The following CACUL1 variants were observed in gnomAD, a reference collection of about 807,000 sequenced individuals.
CACUL1 encodes the protein CDK2-associated and cullin domain-containing protein 1.
Under a neutral mutation model 45.2 loss-of-function variants are expected in CACUL1, and 13 were observed. That is an observed-to-expected ratio of 0.29 (90% CI 0.19 to 0.46). CACUL1 has a LOEUF of 0.46. Ranked by LOEUF, CACUL1 falls within the 20% of genes least tolerant of loss-of-function variation. The pLI is 1.00. For missense variants in CACUL1, 421 were observed against 471.4 expected, an observed-to-expected ratio of 0.89 and a Z score of 0.99; for synonymous variants, 197 against 174.2, an observed-to-expected ratio of 1.13 and a Z score of -1.03.
intron 1 of CACUL1, among the ~76,000 whole-genome samples, chr10:118,732,663 C>T (rs1845708246): frequency 6.6e-6 from 1 of 152,124 alleles, no homozygotes; most frequent in African/African-American, 2.4e-5. Flanking sequence ...ACTCCCAGAG[C>T]TCCCCACTGG....
chr10:118,703,636 T>G (rs573839756), intron 4 of CACUL1, among the ~76,000 whole-genome samples: 16 of 152,212 alleles, frequency 1.1e-4, no homozygotes, highest in Non-Finnish European at 2.2e-4. Flanking sequence ...TTAACAATAA[T>G]GCGAAATAGT....
intron 6 of CACUL1, 24 bp from the exon 7 acceptor site, chr10:118,691,427 T>C: frequency 1.0e-5 from 16 of 1,598,812 alleles, no homozygotes; most frequent in Non-Finnish European, 1.2e-5. Flanking sequence ...AAACAATTCA[T>C]TAAGGAAATC....
At chr10:118,744,980 T>C (rs1424987025) in intron 1 of CACUL1, among the ~76,000 whole-genome samples, 1 of 152,078 alleles carries the variant, frequency 6.6e-6, no homozygotes, top group Non-Finnish European at 1.5e-5. Flanking sequence ...AAAAGATACG[T>C]GACAGTTTTG....
intron 1 of CACUL1, among the ~76,000 whole-genome samples, chr10:118,752,635 CA>C (rs934259141): frequency 9.2e-5 from 14 of 152,318 alleles, no homozygotes; most frequent in African/African-American, 3.1e-4. Flanking sequence ...CAAGATTTCA[CA>C]AGCCTCATAA....
intron 2 of CACUL1, among the ~76,000 whole-genome samples, 172 bp downstream of exon 2, chr10:118,730,112 T>C (rs190084146): frequency 3.0e-4 from 46 of 152,252 alleles, no homozygotes; most frequent in African/African-American, 1.1e-3. Context: ...AAAACCACTT[T>C]TGAATCAAAA....
intron 1 of CACUL1, among the ~76,000 whole-genome samples, chr10:118,732,072 T>C (rs1344119938): frequency 6.6e-6 from 1 of 152,178 alleles, no homozygotes; most frequent in East Asian, 1.9e-4. Context: ...ACTTTTACTC[T>C]AAGGTGGAAG....
intron 1 of CACUL1, 121 bp downstream of exon 1, chr10:118,754,275 G>C (rs774965767): frequency 1.3e-5 from 18 of 1,374,494 alleles, no homozygotes; most frequent in Admixed American, 9.5e-5. Context: ...AAGGCGGACG[G>C]GGAGAAGAGG....
chr10:118,694,805 G>A (rs184490212), intron 6 of CACUL1: 27 of 197,078 alleles, frequency 1.4e-4, no homozygotes, highest in South Asian at 1.0e-3. Flanking sequence ...GGTTGTGAAT[G>A]TGGATGTCTG....
intron 1 of CACUL1, among the ~76,000 whole-genome samples, chr10:118,747,292 G>A (rs762112106): frequency 7.2e-5 from 11 of 152,192 alleles, no homozygotes; most frequent in African/African-American, 9.7e-5. Context: ...AGCAACTGGA[G>A]CTGTCATATA....
At position 118,683,750 on chromosome 10, in the gene CACUL1, A is replaced by AAAT. The variant is rs1481194348; in HGVS notation, c.*2375_*2377dup. On this transcript the variant is annotated 3_prime_UTR_variant, in exon 9 of 9. Transcript: ENST00000369151. ...CAGTTTCTGGCAAACAGTCAATATAAAATGAGAGGAAGGAGGAGGAAATCT... is the reference window on the plus strand; with the variant it reads ...CAGTTTCTGGCAAACAGTCAATATAAAATAATGAGAGGAAGGAGGAGGAAATCT... The AAAT allele has an allele frequency of 6.6e-6, 1 of 152,068 alleles. No individual in the cohort carries two copies. The highest frequency in any genetic ancestry group is 6.6e-5 in the Admixed American group (1 of 15,248). The allele number at this position is 152,068 out of a possible 1,614,324, so 9.4% of individuals were successfully genotyped here.
At chr10:118,702,368 C>T (rs1201310451) in intron 4 of CACUL1, among the ~76,000 whole-genome samples, 1 of 152,070 alleles carries the variant, frequency 6.6e-6, no homozygotes, top group Non-Finnish European at 1.5e-5. Flanking sequence ...AGGATAAAAC[C>T]GATGTTACGG....
intron 3 of CACUL1, chr10:118,729,091 C>T (rs975472827): frequency 4.1e-6 from 2 of 484,240 alleles, no homozygotes; most frequent in African/African-American, 2.0e-5. Flanking sequence ...ATATTTAATC[C>T]AAAAATTTCC....
chr10:118,739,929 G>A (rs1845776489), intron 1 of CACUL1, among the ~76,000 whole-genome samples: 1 of 152,222 alleles, frequency 6.6e-6, no homozygotes, highest in Non-Finnish European at 1.5e-5. Flanking sequence ...TGGATCACCT[G>A]AGGTCAGGAG....
intron 5 of CACUL1, 97 bp downstream of exon 5, chr10:118,701,209 A>G (rs1263349661): frequency 5.0e-6 from 3 of 600,578 alleles, no homozygotes; most frequent in Non-Finnish European, 8.5e-6. Context: ...AGATGTTAAC[A>G]TTGGGGTTTA....
chr10:118,748,524 C>T (rs1433473526), intron 1 of CACUL1, among the ~76,000 whole-genome samples: 2 of 152,072 alleles, frequency 1.3e-5, no homozygotes, highest in African/African-American at 4.8e-5. Context: ...CTCAGGAGTC[C>T]CCCATCTTAT....
intron 1 of CACUL1, among the ~76,000 whole-genome samples, chr10:118,738,917 C>CAAAAAA (rs1845765742): frequency 1.7e-5 from 1 of 57,208 alleles, no homozygotes; most frequent in Admixed American, 1.8e-4. Context: ...AAAAAAAAAG[C>CAAAAAA]CTGGGCGCTG....
At position 118,677,122 on chromosome 10, in the gene CACUL1, A is replaced by T. The variant is rs1233622712; in HGVS notation, c.*9006T>A. ...CATAAAATAATTGACCATGGACAGC[A>T]TGATTTCAAAAAGCCGCCTTTAGTG... is the stretch of plus-strand genomic sequence containing the variant. On this transcript the variant is annotated 3_prime_UTR_variant, in exon 9 of 9. Transcript: ENST00000369151. 6.6e-6 allele frequency: 1 copy of T among 152,182 alleles called. No homozygotes were observed. The highest frequency in any genetic ancestry group is 1.5e-5 in the Non-Finnish European group (1 of 68,030). 9.4% of individuals were successfully genotyped at this position (152,182 alleles called of 1,614,324 possible).
chr10:118,726,692 A>C (rs1190468518), intron 3 of CACUL1, among the ~76,000 whole-genome samples: 1 of 152,082 alleles, frequency 6.6e-6, no homozygotes, highest in Non-Finnish European at 1.5e-5. Flanking sequence ...AATACCTTAC[A>C]CCTTAGTGTA....
rs1845207741 is a variant in CACUL1, at chr10:118,686,517, AATGCACTGTTATC to A, written c.1069+68_1069+80del. 4 of 1,076,270 alleles carry A rather than the reference AATGCACTGTTATC, an allele frequency of 3.7e-6. No individual in the cohort carries two copies. The South Asian group carries it at 5.0e-5, about 14-fold the overall frequency. 66.7% of individuals were successfully genotyped at this position (1,076,270 alleles called of 1,614,324 possible). A position where few individuals can be genotyped will look rare whatever the true frequency, so the allele number is the denominator to read the frequency against. On this transcript the variant is annotated intron_variant, in intron 8 of 8. Coordinates refer to ENST00000369151, the MANE Select transcript of CACUL1 (RefSeq NM_153810.5). ...GAACAACATGGGTATCATCAAATTC[AATGCACTGTTATC>A]ACAGTGCATTAATATGGCTGCTTTA...
Sources: gnomAD v4.1 joint callset for allele counts (sites outside exome capture counted in the v4.1 genomes callset) on GRCh38, gnomAD v4.1.1 for gene constraint, MANE v1.5 for transcripts, NCBI Gene and HGNC (gene_info 2026-07-23, HGNC 2026-07-21) for gene names.